ZNF627: variants seen among roughly 807,000 people sequenced by gnomAD.
ZNF627 encodes zinc finger protein 627.
ZNF627 carries 12 observed loss-of-function variants against 10.6 expected under a neutral mutation model. The ratio of observed to expected loss-of-function variants is 1.13; its 90% CI spans 0.73 to 1.84. The LOEUF is 1.84. Ranked by LOEUF, ZNF627 falls within the 40% of genes most tolerant of loss-of-function variation. The pLI, the probability that ZNF627 is intolerant of heterozygous loss-of-function variation, is 0.00. For missense variants in ZNF627, 504 were observed against 568.4 expected (o/e 0.89, Z 1.15); for synonymous variants, 176 against 187.1 (o/e 0.94, Z 0.48).
At chr19:11,603,509 A>C (rs1488503259) in intron 1 of ZNF627, among the ~76,000 whole-genome samples, 1 of 148,666 alleles carries the variant, frequency 6.7e-6, no homozygotes, top group Non-Finnish European at 1.5e-5. Context: ...CTGGTCTTGA[A>C]CTCCTGGGCT....
intron 1 of ZNF627, among the ~76,000 whole-genome samples, chr19:11,607,457 G>T (rs1973694784): frequency 2.0e-5 from 3 of 151,834 alleles, no homozygotes; most frequent in Non-Finnish European, 2.9e-5. Flanking sequence ...CTGTTCCATT[G>T]TCAGGCTGCA....
chr19:11,611,686 G>A (rs189723339), intron 1 of ZNF627, among the ~76,000 whole-genome samples: 17 of 152,282 alleles, frequency 1.1e-4, no homozygotes, highest in South Asian at 1.0e-3. Context: ...AAGAGCTCCC[G>A]CTGGGCGTGA....
chr19:11,599,819 A>T (rs562097032), intron 1 of ZNF627, among the ~76,000 whole-genome samples: 1 of 152,122 alleles, frequency 6.6e-6, no homozygotes, highest in South Asian at 2.1e-4. Flanking sequence ...AGGCATGAGA[A>T]TCGCTTTAAC....
At chr19:11,615,652 T>C (rs1973854144) in intron 3 of ZNF627, among the ~76,000 whole-genome samples, 1 of 150,356 alleles carries the variant, frequency 6.7e-6, no homozygotes, top group South Asian at 2.1e-4. Context: ...AAGTGTAACA[T>C]AGATGTTCAG....
In ZNF627 at chr19:11,608,564, C is replaced by T. The variant is rs79141547; in HGVS notation, c.4-5963C>T. ...AGTGGTGAGTAGCCATTTGAAATTA[C>T]ATTGTGTAAAATCTGTGTCCCTAAT... On this transcript the variant is annotated intron_variant, in intron 1 of 3. Transcript: ENST00000361113. 3.6e-3 allele frequency among the ~76,000 whole-genome samples: 541 copies of T among 152,290 alleles called. 1 individual carries two copies. Among genetic ancestry groups the T allele is most frequent in the African/African-American group, 0.012 (490 of 41,566 alleles).
chr19:11,614,372 A>C (rs1027766285), intron 1 of ZNF627, among the ~76,000 whole-genome samples, 155 bp from the exon 2 acceptor site: 1 of 152,198 alleles, frequency 6.6e-6, no homozygotes, highest in African/African-American at 2.4e-5. Context: ...TTGTGGAAGG[A>C]AGTGAGTCTA....
intron 1 of ZNF627, 75 bp from the exon 2 acceptor site, chr19:11,614,452 T>C: frequency 6.3e-7 from 1 of 1,595,770 alleles, no homozygotes; most frequent in East Asian, 2.2e-5. Flanking sequence ...TCCTGAGAAC[T>C]TCTTGGGAAT....
intron 1 of ZNF627, among the ~76,000 whole-genome samples, chr19:11,602,207 G>C (rs1002376367): frequency 1.3e-5 from 2 of 152,014 alleles, no homozygotes; most frequent in African/African-American, 4.8e-5. Context: ...GGCTCAGGCT[G>C]GGGGTGGGTC....
At chr19:11,604,224 G>C (rs1029594644) in intron 1 of ZNF627, 9 of 152,072 alleles carry the variant, frequency 5.9e-5, no homozygotes, top group Non-Finnish European at 7.4e-5. Flanking sequence ...CCAAGAACTT[G>C]AAAAGATAAT....
intron 3 of ZNF627, among the ~76,000 whole-genome samples, chr19:11,615,397 G>A (rs540848311): frequency 1.1e-4 from 16 of 150,012 alleles, no homozygotes; most frequent in African/African-American, 2.9e-4. Flanking sequence ...TCAGGAGATC[G>A]AGACCATCCT....
chr19:11,617,480 T>A lies in ZNF627; in HGVS notation c.977T>A (p.Met326Lys), dbSNP rs201652770. ...TGTCTTGCAAGTGTTAGAAGACACA[T>A]GATAAAGCACACTGGCAATGGACCT... ...LTCLASVRRHMIKHTGNGPYK... is the reference protein window; with the variant it reads ...LTCLASVRRHKIKHTGNGPYK... The change falls in exon 4 of 4, where the codon ATG (methionine) becomes AAG (lysine). Residue 326 changes from methionine (M) to lysine (K), a missense_variant. By Grantham distance (95) the Met-to-Lys change is moderately conservative. Coordinates refer to ENST00000361113, the MANE Select transcript of ZNF627 (RefSeq NM_145295.4). 2 of 1,613,660 alleles carry A rather than the reference T, an allele frequency of 1.2e-6. No homozygotes were observed. Among genetic ancestry groups the A allele is most frequent in the African/African-American group, 2.7e-5 (2 of 74,920 alleles).
chr19:11,616,021 G>A (rs1973861072), intron 3 of ZNF627, among the ~76,000 whole-genome samples: 1 of 149,636 alleles, frequency 6.7e-6, no homozygotes. Flanking sequence ...ACCTGGCCAT[G>A]AATATCATTT....
At position 11,618,172 on chromosome 19, in the gene ZNF627, T is replaced by C; in HGVS notation, c.*283T>C. 1 of 350,096 alleles carries C rather than the reference T, an allele frequency of 2.9e-6. No individual in the cohort carries two copies. The highest frequency in any genetic ancestry group is 5.1e-6 in the Non-Finnish European group (1 of 195,324). The allele number at this position is 350,096 out of a possible 1,614,324, so 21.7% of individuals were successfully genotyped here. On this transcript the variant is annotated 3_prime_UTR_variant, in exon 4 of 4. Transcript: ENST00000361113. ...GATACAATTCACCAGTAACCTATCT[T>C]ACATGAGATTCGGAAGTAAGTTAAG...
intron 1 of ZNF627, among the ~76,000 whole-genome samples, chr19:11,605,743 C>T (rs999002627): frequency 6.6e-6 from 1 of 152,104 alleles, no homozygotes; most frequent in African/African-American, 2.4e-5. Context: ...TATCATTCCA[C>T]CCCCAGCCCC....
intron 3 of ZNF627, among the ~76,000 whole-genome samples, chr19:11,616,138 A>T (rs530595232): frequency 6.6e-6 from 1 of 151,210 alleles, no homozygotes; most frequent in African/African-American, 2.4e-5. Context: ...CCTGGGTTCA[A>T]GCAATTCTCC....
intron 1 of ZNF627, among the ~76,000 whole-genome samples, chr19:11,609,500 T>C (rs1481392930): frequency 2.6e-5 from 1 of 37,952 alleles, no homozygotes; most frequent in Non-Finnish European, 7.2e-5. Context: ...TATATATATA[T>C]ATATATATAT....
intron 1 of ZNF627, among the ~76,000 whole-genome samples, chr19:11,604,574 C>T (rs1433335047): frequency 6.6e-6 from 1 of 152,144 alleles, no homozygotes; most frequent in African/African-American, 2.4e-5. Context: ...CTTGGGTGGG[C>T]CCAGCAGAAT....
intron 1 of ZNF627, among the ~76,000 whole-genome samples, chr19:11,614,279 G>GC (rs1230534728): frequency 6.6e-6 from 1 of 152,158 alleles, no homozygotes; most frequent in Non-Finnish European, 1.5e-5. Context: ...ATTAGGGGTG[G>GC]CCCAGGCAGT....
At chr19:11,598,960 T>C (rs1278077672) in intron 1 of ZNF627, among the ~76,000 whole-genome samples, 4 of 152,148 alleles carry the variant, frequency 2.6e-5, no homozygotes, top group Non-Finnish European at 5.9e-5. Flanking sequence ...GGCGGGAGGA[T>C]CACCTGAGGC....
Sources: allele counts gnomAD v4.1 joint callset (sites outside exome capture counted in the v4.1 genomes callset), GRCh38; gene constraint gnomAD v4.1.1; transcripts MANE v1.5; gene names NCBI Gene and HGNC (gene_info 2026-07-23, HGNC 2026-07-21).